The following LRRTM4 variants were observed in gnomAD, a reference collection of about 807,000 sequenced individuals.
LRRTM4 encodes leucine rich repeat transmembrane neuronal 4.
Under a neutral mutation model 47.6 loss-of-function variants are expected in LRRTM4, and 25 were observed. The ratio of observed to expected loss-of-function variants is 0.53; its 90% CI spans 0.38 to 0.73. LRRTM4 has a LOEUF of 0.73. Ranked by LOEUF, LRRTM4 falls within the 30% of genes least tolerant of loss-of-function variation. The pLI, the probability that LRRTM4 is intolerant of heterozygous loss-of-function variation, is 0.00. For missense variants in LRRTM4, 638 were observed against 713.4 expected, an observed-to-expected ratio of 0.89 and a Z score of 1.20; for synonymous variants, 311 against 269.5, an observed-to-expected ratio of 1.15 and a Z score of -1.51.
chr2:77,340,057 A>T (rs904252155), intron 3 of LRRTM4, among the ~76,000 whole-genome samples: 1 of 152,016 alleles, frequency 6.6e-6, no homozygotes, highest in Admixed American at 6.6e-5. Flanking sequence ...GATGTACATT[A>T]TACTGGTAGA....
intron 3 of LRRTM4, among the ~76,000 whole-genome samples, chr2:77,316,668 C>T (rs1413823958): frequency 1.3e-5 from 2 of 151,998 alleles, no homozygotes; most frequent in African/African-American, 4.8e-5. Flanking sequence ...CTGCCTCAGT[C>T]TCCTGGGTAG....
Position 77,283,574 on chromosome 2 carries a change from T to G in LRRTM4, c.1551+234744A>C, listed in dbSNP as rs917809542. 3.9e-5 allele frequency among the ~76,000 whole-genome samples: 6 copies of G among 152,062 alleles called. No homozygotes were observed. In the East Asian group the frequency reaches 1.2e-3, roughly 29 times the overall value. ...AGCAAAGTCATGGAATCAACCTAGGTGACACGCAATGGTGGACTGGATTAA... is the reference window on the plus strand; with the variant it reads ...AGCAAAGTCATGGAATCAACCTAGGGGACACGCAATGGTGGACTGGATTAA... On this transcript the variant is annotated intron_variant, in intron 3 of 3. Coordinates refer to ENST00000409884, the MANE Select transcript of LRRTM4 (RefSeq NM_001134745.3).
chr2:76,881,088 A>T (rs1385410839), intron 3 of LRRTM4, among the ~76,000 whole-genome samples: 3 of 152,192 alleles, frequency 2.0e-5, no homozygotes, highest in African/African-American at 7.2e-5. Context: ...ACAGCAAGAA[A>T]GAACGTTCCC....
intron 3 of LRRTM4, among the ~76,000 whole-genome samples, chr2:76,870,311 T>C (rs987630325): frequency 2.0e-5 from 3 of 152,150 alleles, no homozygotes; most frequent in Non-Finnish European, 4.4e-5. Flanking sequence ...TTGTGTGCTG[T>C]ATATAATAAA....
chr2:77,411,661 G>A (rs1674444860), intron 3 of LRRTM4, among the ~76,000 whole-genome samples: 1 of 133,912 alleles, frequency 7.5e-6, no homozygotes, highest in Non-Finnish European at 1.5e-5. Context: ...TAGTAGAGAC[G>A]GGTTTTCACT....
At chr2:77,457,503 C>T (rs2103965291) in intron 3 of LRRTM4, among the ~76,000 whole-genome samples, 1 of 152,134 alleles carries the variant, frequency 6.6e-6, no homozygotes, top group Middle Eastern at 3.4e-3. Flanking sequence ...ATTTATTTTC[C>T]ATACAGCAGT....
rs1192641234 is a variant in LRRTM4, at chr2:77,521,792, G to A, written c.-121C>T. 1.8e-5 allele frequency: 18 copies of A among 978,784 alleles called. No individual in the cohort carries two copies. Among genetic ancestry groups the A allele is most frequent in the Non-Finnish European group, 2.5e-5 (16 of 646,274 alleles). 60.6% of individuals were successfully genotyped at this position (978,784 alleles called of 1,614,324 possible). On this transcript the variant is annotated 5_prime_UTR_variant, in exon 2 of 4. Coordinates refer to ENST00000409884, the MANE Select transcript of LRRTM4 (RefSeq NM_001134745.3). The stretch of plus-strand genomic sequence containing the variant: ...CTGTCATTCACACCATTCTGATCCC[G>A]CATGTGAGCTAGTAGCCCCATACAA...
intron 3 of LRRTM4, among the ~76,000 whole-genome samples, chr2:76,826,388 C>A (rs1312890091): frequency 6.6e-6 from 1 of 151,064 alleles, no homozygotes; most frequent in Non-Finnish European, 1.5e-5. Context: ...GTTATATAAA[C>A]CCTTATATAT....
intron 3 of LRRTM4, among the ~76,000 whole-genome samples, chr2:76,845,573 C>T (rs1392993953): frequency 2.6e-5 from 4 of 152,130 alleles, no homozygotes; most frequent in African/African-American, 9.7e-5. Context: ...GGACCTGGTC[C>T]TGTGAGCTCC....
At chr2:76,959,467 T>C (rs1675780817) in intron 3 of LRRTM4, among the ~76,000 whole-genome samples, 1 of 142,316 alleles carries the variant, frequency 7.0e-6, no homozygotes, top group Non-Finnish European at 1.5e-5. Context: ...ACGACAGAAA[T>C]AAAACAAAGG....
chr2:76,850,463 T>G (rs1474150359), intron 3 of LRRTM4, among the ~76,000 whole-genome samples: 1 of 152,202 alleles, frequency 6.6e-6, no homozygotes, highest in Non-Finnish European at 1.5e-5. Flanking sequence ...AAATGATTAG[T>G]TCTGATCCTC....
At chr2:76,936,324 A>C (rs1674946150) in intron 3 of LRRTM4, among the ~76,000 whole-genome samples, 1 of 152,054 alleles carries the variant, frequency 6.6e-6, no homozygotes, top group Non-Finnish European at 1.5e-5. Context: ...CATTCTCAGC[A>C]AACTATCACA....
intron 3 of LRRTM4, among the ~76,000 whole-genome samples, chr2:77,284,580 G>T (rs1676598774): frequency 6.6e-6 from 1 of 151,998 alleles, no homozygotes. Flanking sequence ...ACAATTTCTA[G>T]TATTTCCCAG....
chr2:77,426,048 C>T (rs1675090988), intron 3 of LRRTM4, among the ~76,000 whole-genome samples: 1 of 150,682 alleles, frequency 6.6e-6, no homozygotes, highest in Non-Finnish European at 1.5e-5. Context: ...CCTGGAAGGC[C>T]AAGTTGCAGT....
chr2:76,956,441 C>T (rs57059027), intron 3 of LRRTM4, among the ~76,000 whole-genome samples: 7,996 of 151,354 alleles, frequency 0.053, 483 homozygotes, highest in East Asian at 0.14. Flanking sequence ...AGACCAAAAC[C>T]TATGGGATGT....
intron 3 of LRRTM4, among the ~76,000 whole-genome samples, chr2:77,184,014 A>G (rs1432052104): frequency 6.6e-6 from 1 of 152,138 alleles, no homozygotes; most frequent in Non-Finnish European, 1.5e-5. Context: ...GCACACCAAC[A>G]TGGCATATGT....
At position 77,039,658 on chromosome 2, in the gene LRRTM4, A is replaced by G. The variant is rs922276477; in HGVS notation, c.1552-290742T>C. Among the ~76,000 whole-genome samples, 17 of 151,414 alleles carry G rather than the reference A, an allele frequency of 1.1e-4. No individual in the cohort carries two copies. In the South Asian group the frequency reaches 3.5e-3, roughly 31 times the overall value. Reference sequence around the variant, plus strand: ...TTTTTATACCATATCAAATATTAATAATGTAATACCATCTTGTGTTTATTT... The same window carrying G: ...TTTTTATACCATATCAAATATTAATGATGTAATACCATCTTGTGTTTATTT... On this transcript the variant is annotated intron_variant, in intron 3 of 3. Coordinates refer to ENST00000409884, the MANE Select transcript of LRRTM4 (RefSeq NM_001134745.3).
chr2:77,067,199 A>T lies in LRRTM4; in HGVS notation c.1552-318283T>A, dbSNP rs1388711577. Among the ~76,000 whole-genome samples the T allele has an allele frequency of 4.6e-5, 7 of 152,048 alleles. No homozygotes were observed. The East Asian group carries it at 1.3e-3, about 29-fold the overall frequency. ...GAACTTAACATCACTTTTTTTTCTA[A>T]TTTTTATTAAAATGACTGAAGAAAG... On this transcript the variant is annotated intron_variant, in intron 3 of 3. Transcript: ENST00000409884.
intron 3 of LRRTM4, among the ~76,000 whole-genome samples, chr2:77,119,792 G>C (rs1671479459): frequency 6.6e-6 from 1 of 151,686 alleles, no homozygotes; most frequent in African/African-American, 2.4e-5. Context: ...TCACTATTCT[G>C]GGTAACTTAC....
Sources: gnomAD v4.1 joint callset for allele counts (sites outside exome capture counted in the v4.1 genomes callset) on GRCh38, gnomAD v4.1.1 for gene constraint, MANE v1.5 for transcripts, NCBI Gene and HGNC (gene_info 2026-07-23, HGNC 2026-07-21) for gene names.